ROBO2: variants seen among roughly 807,000 people sequenced by gnomAD.
The protein encoded by ROBO2 is roundabout homolog 2.
ROBO2 carries 53 observed loss-of-function variants against 160.8 expected under a neutral mutation model. The observed-to-expected ratio is 0.33, with a 90% CI of 0.26 to 0.41. The LOEUF is 0.41. ROBO2 is among the 10% of genes least tolerant of loss of function. The pLI is 1.00. For synonymous variants in ROBO2, 664 were observed against 611.7 expected (o/e 1.09, Z -1.26); for missense variants, 1,577 against 1,722.4 (o/e 0.92, Z 1.49).
intron 2 of ROBO2, among the ~76,000 whole-genome samples, chr3:75,977,213 T>G (rs1367275816): frequency 3.3e-5 from 5 of 151,524 alleles, no homozygotes; most frequent in Non-Finnish European, 5.9e-5. Context: ...CAATTGTCCC[T>G]GGCAACATAA....
intron 2 of ROBO2, among the ~76,000 whole-genome samples, chr3:77,123,974 T>C (rs180689203): frequency 2.2e-4 from 33 of 150,632 alleles, no homozygotes; most frequent in African/African-American, 7.5e-4. Flanking sequence ...ATAATCTATC[T>C]ATATAGATAT....
At chr3:77,097,593 A>G (rs952944781) in intron 1 of ROBO2, among the ~76,000 whole-genome samples, 11 of 152,138 alleles carry the variant, frequency 7.2e-5, no homozygotes, top group African/African-American at 2.7e-4. Context: ...TGTTAGTCTG[A>G]TAACATATTG....
intron 2 of ROBO2, among the ~76,000 whole-genome samples, chr3:76,632,127 T>G (rs1192781591): frequency 6.6e-6 from 1 of 152,210 alleles, no homozygotes; most frequent in Non-Finnish European, 1.5e-5. Flanking sequence ...TTCAGCAGGC[T>G]TAGCAAAGAA....
chr3:76,373,776 T>G (rs1453797160), intron 2 of ROBO2, among the ~76,000 whole-genome samples: 1 of 152,014 alleles, frequency 6.6e-6, no homozygotes, highest in Non-Finnish European at 1.5e-5. Flanking sequence ...TTATCATTGT[T>G]CATGAGTCTG....
intron 2 of ROBO2, among the ~76,000 whole-genome samples, chr3:77,462,763 A>AT (rs34652405): frequency 1.3e-4 from 20 of 151,182 alleles, no homozygotes; most frequent in African/African-American, 4.9e-4. Flanking sequence ...ACTTTCCAGT[A>AT]TTTTTTTTTT....
At chr3:77,599,067 T>G (rs2094375679) in intron 19 of ROBO2, among the ~76,000 whole-genome samples, 1 of 152,122 alleles carries the variant, frequency 6.6e-6, no homozygotes, top group African/African-American at 2.4e-5. Context: ...TTCCCTTAAT[T>G]TTCATGATGT....
Position 76,435,178 on chromosome 3 carries a change from A to C in ROBO2, c.109+497576A>C, listed in dbSNP as rs2076614208. On this transcript the variant is annotated intron_variant, in intron 2 of 26. Transcript: ENST00000487694. ...ATGGTGGGCATTGTGGAGATAATCA[A>C]CAGTAGGGATGTCAAAGTTCAGGTA... The C allele has an allele frequency of 2.8e-6, 3 of 1,090,340 alleles. No homozygotes were observed. The Admixed American group carries it at 5.1e-5, about 18-fold the overall frequency. 67.5% of individuals were successfully genotyped at this position (1,090,340 alleles called of 1,614,324 possible).
chr3:77,031,430 CAT>C (rs979260190), intron 2 of ROBO2, among the ~76,000 whole-genome samples: 4 of 147,246 alleles, frequency 2.7e-5, no homozygotes, highest in African/African-American at 7.4e-5. Context: ...TAAGCATATA[CAT>C]ATGTTTATTA....
At chr3:76,967,351 A>G (rs556996317) in intron 2 of ROBO2, among the ~76,000 whole-genome samples, 2 of 151,470 alleles carry the variant, frequency 1.3e-5, no homozygotes, top group South Asian at 2.1e-4. Context: ...GATTACAGAC[A>G]TGTGCAACCA....
intron 2 of ROBO2, among the ~76,000 whole-genome samples, chr3:77,380,197 C>A (rs2073256946): frequency 6.6e-6 from 1 of 152,180 alleles, no homozygotes; most frequent in Admixed American, 6.5e-5. Flanking sequence ...TTGTACTCAG[C>A]ACCAAAGCAG....
chr3:76,967,296 C>A (rs2149265223), intron 2 of ROBO2, among the ~76,000 whole-genome samples: 1 of 151,638 alleles, frequency 6.6e-6, no homozygotes, highest in Non-Finnish European at 1.5e-5. Context: ...CCTCCATCCT[C>A]CCAAGTTCAA....
At chr3:75,919,472 G>A (rs557316069) in intron 1 of ROBO2, among the ~76,000 whole-genome samples, 17 of 152,218 alleles carry the variant, frequency 1.1e-4, no homozygotes, top group African/African-American at 3.6e-4. Context: ...ATCGATGTTC[G>A]TCAGTGATAT....
intron 2 of ROBO2, among the ~76,000 whole-genome samples, chr3:76,894,067 C>T (rs981082506): frequency 2.6e-5 from 4 of 152,158 alleles, no homozygotes; most frequent in Non-Finnish European, 4.4e-5. Context: ...CCTTGAATGG[C>T]GATACACCCT....
intron 2 of ROBO2, among the ~76,000 whole-genome samples, chr3:76,962,893 A>T (rs2079777988): frequency 6.6e-6 from 1 of 152,170 alleles, no homozygotes; most frequent in Admixed American, 6.5e-5. Flanking sequence ...GCAAGGTTCA[A>T]TCTGTTCTAC....
At chr3:76,807,289 C>G (rs2064805413) in intron 2 of ROBO2, among the ~76,000 whole-genome samples, 1 of 151,998 alleles carries the variant, frequency 6.6e-6, no homozygotes, top group Admixed American at 6.6e-5. Context: ...AAAATGCAGT[C>G]AGGACCCTGT....
chr3:76,608,105 C>T (rs1366590849), intron 2 of ROBO2, among the ~76,000 whole-genome samples: 1 of 152,234 alleles, frequency 6.6e-6, no homozygotes, highest in African/African-American at 2.4e-5. Context: ...AAAATTTAAA[C>T]TTTGCAATAT....
chr3:76,196,681 GTTCAAGCAGGTTTTGAAAA>G (rs1702278040), intron 2 of ROBO2, among the ~76,000 whole-genome samples: 1 of 152,052 alleles, frequency 6.6e-6, no homozygotes, highest in Non-Finnish European at 1.5e-5. Flanking sequence ...AACTGGCAAA[GTTCAAGCAGGTTTTGAAAA>G]TTGGAGATTA....
intron 2 of ROBO2, among the ~76,000 whole-genome samples, chr3:77,126,779 CTTCTTT>C (rs201786997): frequency 0.037 from 4,400 of 119,498 alleles, 291 homozygotes; most frequent in African/African-American, 0.13. Flanking sequence ...GATTTTGAAA[CTTCTTT>C]TTTTTTTTTT....
intron 2 of ROBO2, among the ~76,000 whole-genome samples, chr3:77,162,675 G>A (rs991245658): frequency 2.0e-5 from 3 of 152,022 alleles, no homozygotes; most frequent in Middle Eastern, 3.2e-3. Flanking sequence ...ATCAAATAAC[G>A]TATGCTTTAT....
Sources: allele counts gnomAD v4.1 joint callset (sites outside exome capture counted in the v4.1 genomes callset), GRCh38; gene constraint gnomAD v4.1.1; transcripts MANE v1.5; gene names NCBI Gene and HGNC (gene_info 2026-07-23, HGNC 2026-07-21).